CELF2: variants seen among roughly 807,000 people sequenced by gnomAD.
CELF2 encodes CUGBP Elav-like family member 2, also known as CUG triplet repeat RNA-binding protein 2.
CELF2 carries 8 observed loss-of-function variants against 62.6 expected under a neutral mutation model. The observed-to-expected ratio is 0.13, with a 90% CI of 0.07 to 0.23. The LOEUF (loss-of-function observed/expected upper bound fraction) is 0.23, where lower values mean the gene tolerates loss of function less well. Among genes scored for constraint, CELF2 ranks in the 10% least tolerant of loss-of-function variants. CELF2 has a pLI of 1.00. For synonymous variants in CELF2, 258 were observed against 250.0 expected (o/e 1.03, Z -0.30); for missense variants, 333 against 671.0 (o/e 0.50, Z 5.56).
Position 11,208,395 on chromosome 10 carries a change from A to G in CELF2, c.272-9030A>G, listed in dbSNP as rs372531581. Among the ~76,000 whole-genome samples, 5 of 152,338 alleles carry G rather than the reference A, an allele frequency of 3.3e-5. No homozygotes were observed. In the East Asian group the frequency reaches 7.7e-4, roughly 24 times the overall value. ...GGGAAATGGTATACTTAGGTCCAAC[A>G]AAGTGTGCCTAGGCTCATTTGCATA... is the stretch of plus-strand genomic sequence containing the variant. On this transcript the variant is annotated intron_variant, in intron 2 of 12. Coordinates refer to ENST00000633077, the MANE Select transcript of CELF2 (RefSeq NM_001326342.2).
At chr10:11,173,699 C>T (rs555742581) in intron 2 of CELF2, among the ~76,000 whole-genome samples, 4 of 152,336 alleles carry the variant, frequency 2.6e-5, no homozygotes, top group African/African-American at 7.2e-5. Flanking sequence ...GCCATCCATT[C>T]TCCTGCTTCA....
the CELF2 span, among the ~76,000 whole-genome samples, chr10:10,620,684 C>T: frequency 2.0e-5 from 3 of 146,416 alleles, no homozygotes; most frequent in Non-Finnish European, 4.5e-5. Flanking sequence ...AGGCGGATCA[C>T]GAGGTCAGGA....
intron 1 of CELF2, among the ~76,000 whole-genome samples, chr10:10,916,758 G>A (rs547975065): frequency 5.3e-5 from 8 of 151,906 alleles, no homozygotes; most frequent in Admixed American, 1.3e-4. Context: ...GATTACAGGC[G>A]CGTGCCAGCA....
intron 1 of CELF2, among the ~76,000 whole-genome samples, chr10:11,162,808 C>T (rs12416397): frequency 0.073 from 11,126 of 152,080 alleles, 467 homozygotes; most frequent in Admixed American, 0.09. Context: ...TAGGAATAGC[C>T]GACACTGAGA....
At chr10:10,711,152 T>C in the CELF2 span, among the ~76,000 whole-genome samples, 1 of 152,160 alleles carries the variant, frequency 6.6e-6, no homozygotes, top group Non-Finnish European at 1.5e-5. Context: ...TCTCTGTCTC[T>C]AGACATTGCC....
the CELF2 span, among the ~76,000 whole-genome samples, chr10:10,773,155 C>A: frequency 1.3e-5 from 2 of 152,150 alleles, no homozygotes; most frequent in African/African-American, 4.8e-5. Context: ...GTGTTGATTT[C>A]TAAGGAAGAA....
At chr10:10,721,416 G>T in the CELF2 span, among the ~76,000 whole-genome samples, 1 of 152,296 alleles carries the variant, frequency 6.6e-6, no homozygotes, top group East Asian at 1.9e-4. Context: ...CTTTAGAAAA[G>T]TAATTGGTAA....
At chr10:11,061,964 C>T (rs2066855606) in intron 1 of CELF2, among the ~76,000 whole-genome samples, 1 of 152,238 alleles carries the variant, frequency 6.6e-6, no homozygotes, top group South Asian at 2.1e-4. Flanking sequence ...AGGCACCTGC[C>T]ACCACGCCCA....
the CELF2 span, among the ~76,000 whole-genome samples, chr10:10,578,127 T>G: frequency 6.6e-6 from 1 of 152,250 alleles, no homozygotes; most frequent in East Asian, 1.9e-4. Context: ...TGAGCATTTT[T>G]TTCATGTGTC....
the CELF2 span, among the ~76,000 whole-genome samples, chr10:10,555,055 A>G: frequency 1.3e-5 from 2 of 152,180 alleles, no homozygotes; most frequent in Non-Finnish European, 2.9e-5. Context: ...CGAAGGGGTT[A>G]GAAAAAGAAA....
chr10:10,720,871 A>G, the CELF2 span, among the ~76,000 whole-genome samples: 7 of 152,216 alleles, frequency 4.6e-5, no homozygotes, highest in Admixed American at 1.3e-4. Flanking sequence ...CCTATAAAGC[A>G]CAATAAAGTA....
At chr10:10,505,372 T>A in the CELF2 span, among the ~76,000 whole-genome samples, 3 of 152,060 alleles carry the variant, frequency 2.0e-5, no homozygotes, top group African/African-American at 7.2e-5. Flanking sequence ...ACTGACACCA[T>A]GGTGAGGGTG....
rs777500999 is a variant in CELF2, at chr10:11,329,086, A to AGCTTTCTTAG, written c.*35_*44dup. ...CCCAGAGGCTCCCTGCTCTCATTTT[A>AGCTTTCTTAG]GCTTTCTTAGGGTAAGTCCCACGAG... is the stretch of plus-strand genomic sequence containing the variant. On this transcript the variant is annotated 3_prime_UTR_variant, in exon 13 of 13. Coordinates refer to ENST00000633077, the MANE Select transcript of CELF2 (RefSeq NM_001326342.2). The surrounding 1 kb of genome is among the most constrained non-coding windows in gnomAD (Gnocchi z 5.5). The AGCTTTCTTAG allele has an allele frequency of 1.3e-6, 2 of 1,588,816 alleles. No individual in the cohort carries two copies. The highest frequency in any genetic ancestry group is 2.3e-5 in the East Asian group (1 of 44,030).
At chr10:11,169,241 A>T (rs685672) in intron 2 of CELF2, 42,399 of 152,080 alleles carry the variant, frequency 0.28, 6,126 homozygotes, top group South Asian at 0.34. Context: ...TAAACTCTAA[A>T]AGGGACAAGA....
intron 2 of CELF2, among the ~76,000 whole-genome samples, chr10:11,213,929 CTT>C (rs2062598552): frequency 6.6e-6 from 1 of 152,132 alleles, no homozygotes; most frequent in Admixed American, 6.5e-5. Context: ...GAATGAAACA[CTT>C]TGGCTGCATA....
intron 3 of CELF2, among the ~76,000 whole-genome samples, chr10:11,241,542 A>G (rs1465232667): frequency 1.3e-5 from 2 of 152,216 alleles, no homozygotes; most frequent in Non-Finnish European, 2.9e-5. Context: ...TGTCATCTGT[A>G]TTCTTTTAGA....
At chr10:11,057,181 C>T (rs982261316) in intron 1 of CELF2, among the ~76,000 whole-genome samples, 1 of 151,994 alleles carries the variant, frequency 6.6e-6, no homozygotes, top group African/African-American at 2.4e-5. Context: ...CAAAAAGTCC[C>T]AGACCCGACT....
At chr10:11,168,559 TATC>T (rs2067911128) in intron 2 of CELF2, among the ~76,000 whole-genome samples, 1 of 152,208 alleles carries the variant, frequency 6.6e-6, no homozygotes, top group African/African-American at 2.4e-5. Context: ...AGAGTACAAT[TATC>T]ATGTTTTCAC....
chr10:10,594,912 G>A, the CELF2 span, among the ~76,000 whole-genome samples: 9 of 152,264 alleles, frequency 5.9e-5, no homozygotes, highest in African/African-American at 2.2e-4. Context: ...GGGGTCACTA[G>A]AAGAATTCAT....
Sources: gnomAD v4.1 joint callset for allele counts (sites outside exome capture counted in the v4.1 genomes callset) on GRCh38, gnomAD v4.1.1 for gene constraint, Gnocchi (gnomAD v3.1) non-coding constraint, MANE v1.5 for transcripts, NCBI Gene and HGNC (gene_info 2026-07-23, HGNC 2026-07-21) for gene names.